Variants in CCDC15 observed in about 807,000 individuals in gnomAD.
CCDC15 encodes coiled-coil domain-containing protein 15.
In CCDC15, 105 loss-of-function variants were observed where a neutral mutation model predicts 114.5. The ratio of observed to expected loss-of-function variants is 0.92; its 90% confidence interval spans 0.78 to 1.08. The LOEUF (loss-of-function observed/expected upper bound fraction) is 1.08, where lower values mean the gene tolerates loss of function less well. CCDC15 is among the 50% of genes least tolerant of loss of function. CCDC15 has a pLI of 0.00. For missense variants in CCDC15, 1,105 were observed against 1,093.6 expected (o/e 1.01, Z -0.15); for synonymous variants, 334 against 377.8 (o/e 0.88, Z 1.34).
At chr11:124,966,286 G>A (rs1947780666) in intron 4 of CCDC15, among the ~76,000 whole-genome samples, 1 of 152,272 alleles carries the variant, frequency 6.6e-6, no homozygotes, top group Non-Finnish European at 1.5e-5. Flanking sequence ...AAGTCTCTTT[G>A]TAGGTCTCTA....
intron 13 of CCDC15, among the ~76,000 whole-genome samples, chr11:125,030,361 A>T (rs1186095884): frequency 6.6e-6 from 1 of 152,190 alleles, no homozygotes; most frequent in Non-Finnish European, 1.5e-5. Context: ...CTTCAGGATG[A>T]TGGGGGAACT....
At chr11:124,991,340 A>G (rs1948264889) in intron 8 of CCDC15, 121 bp from the exon 9 acceptor site, 2 of 552,892 alleles carry the variant, frequency 3.6e-6, no homozygotes, top group East Asian at 3.1e-5. Flanking sequence ...CTTTTATTCC[A>G]TAATGTTTTA....
At chr11:125,031,574 T>C (rs1948739460) in intron 13 of CCDC15, among the ~76,000 whole-genome samples, 2 of 152,126 alleles carry the variant, frequency 1.3e-5, no homozygotes, top group Admixed American at 1.3e-4. Context: ...TTCACCAAAG[T>C]CCAGTAACAG....
intron 2 of CCDC15, among the ~76,000 whole-genome samples, chr11:124,958,644 A>G (rs531475654): frequency 1.3e-5 from 2 of 152,288 alleles, no homozygotes; most frequent in East Asian, 3.9e-4. Flanking sequence ...CATTGGTGAA[A>G]TGAGAGGTGT....
intron 11 of CCDC15, among the ~76,000 whole-genome samples, chr11:124,999,938 T>C (rs1462367071): frequency 6.9e-6 from 1 of 145,250 alleles, no homozygotes; most frequent in East Asian, 2.1e-4. Flanking sequence ...CTTGGCTCAC[T>C]GCAACCTCTG....
At chr11:125,010,399 A>G (rs1030921035) in intron 13 of CCDC15, among the ~76,000 whole-genome samples, 1 of 145,638 alleles carries the variant, frequency 6.9e-6, no homozygotes, top group Non-Finnish European at 1.5e-5. Context: ...TTTTTTTAAG[A>G]TGGAGTCTCA....
At chr11:124,954,995 A>G in intron 2 of CCDC15, 86 bp downstream of exon 2, 1 of 1,199,678 alleles carries the variant, frequency 8.3e-7, no homozygotes, top group Non-Finnish European at 1.2e-6. Context: ...TTAAAGATGA[A>G]CAGTCCGAGG....
chr11:125,039,624 A>G (rs1300185198), intron 15 of CCDC15: 1 of 152,224 alleles, frequency 6.6e-6, no homozygotes, highest in Non-Finnish European at 1.5e-5. Flanking sequence ...TGTAGCCCTC[A>G]TGTATACACT....
At chr11:125,024,690 G>A (rs12291214) in intron 13 of CCDC15, among the ~76,000 whole-genome samples, 56,527 of 151,766 alleles carry the variant, frequency 0.37, 11,843 homozygotes, top group African/African-American at 0.57. Flanking sequence ...ACTGATTCCA[G>A]TGGGTTTTTT....
At chr11:124,975,058 C>CCTGCTTTTGTTTG (rs1555066286) in intron 4 of CCDC15, 38 bp from the exon 5 acceptor site, 4 of 1,339,014 alleles carry the variant, frequency 3.0e-6, no homozygotes, top group Non-Finnish European at 4.1e-6. Context: ...TAAAACTTAT[C>CCTGCTTTTGTTTG]CTGCTTTTGT....
At chr11:124,956,989 C>T (rs1185100119) in intron 2 of CCDC15, among the ~76,000 whole-genome samples, 2 of 152,168 alleles carry the variant, frequency 1.3e-5, no homozygotes, top group Non-Finnish European at 2.9e-5. Flanking sequence ...TACCTCCCCC[C>T]AATAATTATT....
chr11:124,996,009 T>C (rs1486128478), intron 11 of CCDC15, among the ~76,000 whole-genome samples: 1 of 152,014 alleles, frequency 6.6e-6, no homozygotes, highest in African/African-American at 2.4e-5. Context: ...TTTGTATTTT[T>C]AGTAGAGATG....
intron 13 of CCDC15, among the ~76,000 whole-genome samples, chr11:125,017,950 T>C (rs1298898713): frequency 6.6e-6 from 1 of 152,112 alleles, no homozygotes; most frequent in Non-Finnish European, 1.5e-5. Context: ...CTAAGAGTTA[T>C]TATAAAAGAG....
chr11:124,954,964 G>T (rs1179681611), intron 2 of CCDC15, 55 bp downstream of exon 2: 3 of 1,510,110 alleles, frequency 2.0e-6, no homozygotes, highest in Non-Finnish European at 2.7e-6. Context: ...CTTTTTATTA[G>T]CCTTCTCTAA....
chr11:125,003,658 G>T (rs999409313), intron 11 of CCDC15, among the ~76,000 whole-genome samples: 1 of 151,784 alleles, frequency 6.6e-6, no homozygotes, highest in Non-Finnish European at 1.5e-5. Flanking sequence ...CCTTTTCTTC[G>T]ATTTATTATT....
chr11:124,990,635 C>T (rs1948251599), intron 8 of CCDC15, among the ~76,000 whole-genome samples: 3 of 152,200 alleles, frequency 2.0e-5, no homozygotes, highest in Admixed American at 2.0e-4. Flanking sequence ...TAAAGTATTA[C>T]CAGCAGCATA....
chr11:125,017,712 G>C (rs1253213459), intron 13 of CCDC15, among the ~76,000 whole-genome samples: 2 of 152,134 alleles, frequency 1.3e-5, no homozygotes, highest in African/African-American at 4.8e-5. Flanking sequence ...AACTCCATGA[G>C]TGTTATTGCC....
intron 13 of CCDC15, among the ~76,000 whole-genome samples, chr11:125,033,524 G>A (rs1430653648): frequency 2.6e-5 from 4 of 152,108 alleles, no homozygotes; most frequent in African/African-American, 7.2e-5. Flanking sequence ...CAAAGATGTA[G>A]GTGTTGCCCT....
intron 13 of CCDC15, among the ~76,000 whole-genome samples, chr11:125,011,435 A>C (rs1418495605): frequency 6.6e-6 from 1 of 151,848 alleles, no homozygotes; most frequent in Non-Finnish European, 1.5e-5. Flanking sequence ...ACAGGGTTTC[A>C]CCATCTTGGC....
Sources: allele counts gnomAD v4.1 joint callset (sites outside exome capture counted in the v4.1 genomes callset), GRCh38; gene constraint gnomAD v4.1.1; transcripts MANE v1.5; gene names NCBI Gene and HGNC (gene_info 2026-07-23, HGNC 2026-07-21).